Variants in PCDHA1 observed in about 807,000 individuals in gnomAD.
PCDHA1 encodes the protein protocadherin alpha 1, also known as protocadherin alpha-1.
In PCDHA1, 42 loss-of-function variants were observed where a neutral mutation model predicts 61.3. That is an observed-to-expected ratio of 0.69 (90% CI 0.54 to 0.89). The LOEUF (loss-of-function observed/expected upper bound fraction) is 0.89. Among genes scored for constraint, PCDHA1 ranks in the 40% least tolerant of loss-of-function variants. The pLI is 0.00. For synonymous variants in PCDHA1, 610 were observed against 553.8 expected (o/e 1.10, Z -1.43); for missense variants, 1,256 against 1,235.3 (o/e 1.02, Z -0.25).
chr5:140,847,202 C>A (rs1780900949), intron 1 of PCDHA1, among the ~76,000 whole-genome samples: 1 of 149,570 alleles, frequency 6.7e-6, no homozygotes, highest in Non-Finnish European at 1.5e-5. Flanking sequence ...AATTTGGCCA[C>A]TCTTTAGAAT....
rs2150442306 is a variant in PCDHA1 at position 140,849,604 on chromosome 5, C to T, written c.2394+60920C>T. 16 of 1,598,568 alleles carry T rather than the reference C, an allele frequency of 1.0e-5. 2 individuals are homozygous for T. The highest frequency in any genetic ancestry group is 1.4e-5 in the Non-Finnish European group (16 of 1,167,944). On this transcript the variant is annotated intron_variant, in intron 1 of 3. Coordinates refer to ENST00000504120, the MANE Select transcript of PCDHA1 (RefSeq NM_018900.4). ...GACGCACAACTGGGGACAGTTATTG[C>T]CCTGATTAGTGTGATCGACCTAGAC... is the stretch of plus-strand genomic sequence containing the variant.
chr5:140,908,186 G>A (rs189627133), intron 1 of PCDHA1, among the ~76,000 whole-genome samples: 52 of 152,292 alleles, frequency 3.4e-4, no homozygotes, highest in African/African-American at 1.2e-3. Context: ...CCACTTTCAG[G>A]TGGTGGACAT....
intron 1 of PCDHA1, chr5:140,830,167 G>T (rs1247870585): frequency 1.9e-6 from 3 of 1,613,430 alleles, no homozygotes; most frequent in Non-Finnish European, 2.5e-6. Context: ...CAGAGGCGGC[G>T]CTGGTGGATG....
At chr5:140,975,520 T>G (rs2153807475) in intron 1 of PCDHA1, among the ~76,000 whole-genome samples, 1 of 152,342 alleles carries the variant, frequency 6.6e-6, no homozygotes, top group East Asian at 1.9e-4. Flanking sequence ...AAATCTGCAG[T>G]GGATATATTC....
At chr5:140,812,798 T>C (rs1051671489) in intron 1 of PCDHA1, 5 of 152,226 alleles carry the variant, frequency 3.3e-5, no homozygotes, top group Non-Finnish European at 5.9e-5. Flanking sequence ...TGTTGTATCC[T>C]GTAAGTTTTT....
At position 140,787,376 on chromosome 5, in the gene PCDHA1, C is replaced by G. The variant is rs547334573; in HGVS notation, c.1086C>G (p.Asp362Glu). The G allele has an allele frequency of 6.3e-5, 102 of 1,614,074 alleles. 1 individual carries two copies. The highest frequency in any genetic ancestry group is 8.5e-5 in the Non-Finnish European group (100 of 1,180,034). ...VTSLYLPIRE[D>E]APLSTVIALI... Reference sequence around the variant, plus strand: ...CATTGTATTTGCCTATCAGAGAGGACGCTCCACTCAGCACCGTCATCGCCC... The same window carrying G: ...CATTGTATTTGCCTATCAGAGAGGAGGCTCCACTCAGCACCGTCATCGCCC... Residue 362 changes from aspartate (D) to glutamate (E), a missense_variant, in exon 1 of 4, where the codon GAC becomes GAG. Physicochemically the swap from Asp to Glu is conservative, Grantham distance 45. Transcript: ENST00000504120.
At position 140,856,335 on chromosome 5, in the gene PCDHA1, G is replaced by C; in HGVS notation, c.2394+67651G>C. ...CGGATTGACCGCGAGGAGCTGTGCG[G>C]GCGGAGCGTGGAGTGCAGCATCCAC... On this transcript the variant is annotated intron_variant, in intron 1 of 3. Transcript: ENST00000504120. 3 of 1,598,610 alleles carry C rather than the reference G, an allele frequency of 1.9e-6. 1 individual carries two copies. The highest frequency in any genetic ancestry group is 2.6e-6 in the Non-Finnish European group (3 of 1,168,024).
rs150956127 is a variant in PCDHA1 at position 140,830,448 on chromosome 5, C to T, written c.2394+41764C>T. The T allele has an allele frequency of 8.1e-3, 12,933 of 1,600,458 alleles. 78 individuals are homozygous for T. The highest frequency in any genetic ancestry group is 9.4e-3 in the Non-Finnish European group (10,993 of 1,171,708). The stretch of plus-strand genomic sequence containing the variant: ...CCTTGTCCTATTATGATGGGTAAGG[C>T]GGAGAATCAGGATTTAAATGAAGAT... On this transcript the variant is annotated intron_variant, in intron 1 of 3. Transcript: ENST00000504120.
chr5:140,933,645 G>A lies in PCDHA1; in HGVS notation c.2395-45304G>A, dbSNP rs1014286392. Among the ~76,000 whole-genome samples the A allele has an allele frequency of 3.3e-5, 5 of 151,892 alleles. No individual in the cohort carries two copies. The South Asian group carries it at 8.3e-4, about 25-fold the overall frequency. On this transcript the variant is annotated intron_variant, in intron 1 of 3. Transcript: ENST00000504120. ...TAGGCTGGCCCTGTTAAACAAGTTG[G>A]AAATCCTGTCTCTCTCTCTGTCTCT...
chr5:140,907,364 C>T (rs1042794275), intron 1 of PCDHA1, among the ~76,000 whole-genome samples: 5 of 152,122 alleles, frequency 3.3e-5, no homozygotes, highest in East Asian at 1.9e-4. Context: ...CTTCTTTAGT[C>T]GTAAAGTGAG....
intron 1 of PCDHA1, chr5:140,828,110 G>A (rs2150151051): frequency 6.2e-7 from 1 of 1,611,644 alleles, no homozygotes; most frequent in African/African-American, 1.3e-5. Flanking sequence ...TACCCCGGAG[G>A]ATAGATTGGG....
chr5:140,862,649 C>T, intron 1 of PCDHA1: 1 of 543,104 alleles, frequency 1.8e-6, no homozygotes, highest in East Asian at 5.0e-5. Context: ...ACAGTGTCCG[C>T]GCGGGACCGG....
At chr5:140,829,160 T>C (rs2150163172) in intron 1 of PCDHA1, 3 of 1,613,966 alleles carry the variant, frequency 1.9e-6, no homozygotes, top group Non-Finnish European at 2.5e-6. Context: ...TTCCTTATCC[T>C]TGCCTGTACG....
At chr5:140,999,280 T>C (rs782502393) in intron 3 of PCDHA1, among the ~76,000 whole-genome samples, 2 of 152,228 alleles carry the variant, frequency 1.3e-5, no homozygotes, top group Non-Finnish European at 2.9e-5. Context: ...ATAGTAGTAA[T>C]ACCCATTCTT....
In PCDHA1 at chr5:140,867,382, C is replaced by T. The variant is rs1201158672; in HGVS notation, c.2394+78698C>T. ...TTTTACAGATGCGTAATGGAATTAA[C>T]GGTTATAAAAGTTGATATGTCTCCT... On this transcript the variant is annotated intron_variant, in intron 1 of 3. Coordinates refer to ENST00000504120, the MANE Select transcript of PCDHA1 (RefSeq NM_018900.4). The T allele has an allele frequency of 4.6e-5, 7 of 152,006 alleles. No individual in the cohort carries two copies. In the East Asian group the frequency reaches 7.7e-4, roughly 17 times the overall value. 9.4% of individuals were successfully genotyped at this position (152,006 alleles called of 1,614,324 possible).
chr5:140,818,363 T>A (rs1766341605), intron 1 of PCDHA1, among the ~76,000 whole-genome samples: 1 of 152,260 alleles, frequency 6.6e-6, no homozygotes, highest in Non-Finnish European at 1.5e-5. Flanking sequence ...TTGATTGAAT[T>A]CTTAACTTGA....
At chr5:140,807,189 TGGA>T (rs1554123781) in intron 1 of PCDHA1, 2 of 1,613,036 alleles carry the variant, frequency 1.2e-6, no homozygotes, top group African/African-American at 2.7e-5. Context: ...GCACTAAAGA[TGGA>T]GTTTTCCTGG....
Position 140,927,828 on chromosome 5 carries a change from G to A in PCDHA1, c.2395-51121G>A, listed in dbSNP as rs782244639. The A allele has an allele frequency of 7.4e-6, 12 of 1,614,074 alleles. No individual in the cohort carries two copies. The South Asian group carries it at 9.9e-5, about 13-fold the overall frequency. On this transcript the variant is annotated intron_variant, in intron 1 of 3. Coordinates refer to ENST00000504120, the MANE Select transcript of PCDHA1 (RefSeq NM_018900.4). ...CGCTCTTGGAGGCATACATTGAGGC[G>A]AGGGACGAAGGTGTCTTTGGTTTAG...
Position 141,009,816 on chromosome 5 carries a change from G to A in PCDHA1, c.2732G>A (p.Ser911Asn). ...QEPTNSQIDK[S>N]DFITFGKKEE... Reference sequence around the variant, plus strand: ...CCTACTAACAGCCAAATTGACAAAAGTGACTTCATAACCTTCGGCAAAAAG... The same window carrying A: ...CCTACTAACAGCCAAATTGACAAAAATGACTTCATAACCTTCGGCAAAAAG... Residue 911 changes from serine to asparagine, a missense_variant, in exon 4 of 4, where the codon AGT (serine) becomes AAT (asparagine). Ser to Asn is a conservative substitution (Grantham distance 46). Transcript: ENST00000504120. 1 of 1,614,044 alleles carries A rather than the reference G, an allele frequency of 6.2e-7. No homozygotes were observed. Among genetic ancestry groups the A allele is most frequent in the African/African-American group, 1.3e-5 (1 of 74,990 alleles).
Sources: allele counts gnomAD v4.1 joint callset (sites outside exome capture counted in the v4.1 genomes callset), GRCh38; gene constraint gnomAD v4.1.1; transcripts MANE v1.5; gene names NCBI Gene and HGNC (gene_info 2026-07-23, HGNC 2026-07-21).